SCFD1: variants seen among roughly 807,000 people sequenced by gnomAD.
SCFD1 encodes the protein sec1 family domain containing 1.
Under a neutral mutation model 103.2 loss-of-function variants are expected in SCFD1, and 37 were observed. That is an observed-to-expected ratio of 0.36 (90% confidence interval 0.28 to 0.47). The LOEUF (loss-of-function observed/expected upper bound fraction) is 0.47, where lower values mean the gene tolerates loss of function less well. Ranked by LOEUF, SCFD1 falls within the 20% of genes least tolerant of loss-of-function variation. The probability of loss-of-function intolerance (pLI) is 1.00; values close to 1 mark genes in which losing one functional copy is unlikely to be tolerated. For missense variants in SCFD1, 639 were observed against 761.2 expected, an observed-to-expected ratio of 0.84 and a Z score of 1.89; for synonymous variants, 264 against 245.0, an observed-to-expected ratio of 1.08 and a Z score of -0.73.
intron 20 of SCFD1, 51 bp from the exon 21 acceptor site, chr14:30,719,274 C>A: frequency 3.4e-6 from 4 of 1,193,996 alleles, no homozygotes; most frequent in Non-Finnish European, 4.9e-6. Context: ...CCAAACTGAC[C>A]TTCTGAAGAG....
At chr14:30,670,926 T>C (rs962938809) in intron 11 of SCFD1, among the ~76,000 whole-genome samples, 12 of 152,132 alleles carry the variant, frequency 7.9e-5, no homozygotes, top group Non-Finnish European at 1.5e-4. Flanking sequence ...TATGCCCCCT[T>C]AAAGTTTAGG....
chr14:30,716,660 T>G (rs1448919811), intron 20 of SCFD1, among the ~76,000 whole-genome samples: 2 of 152,222 alleles, frequency 1.3e-5, no homozygotes, highest in Non-Finnish European at 2.9e-5. Flanking sequence ...AAAACCCTGG[T>G]TTGAGTTTAT....
At chr14:30,624,514 T>C (rs918909717) in intron 1 of SCFD1, among the ~76,000 whole-genome samples, 2 of 152,228 alleles carry the variant, frequency 1.3e-5, no homozygotes, top group Non-Finnish European at 2.9e-5. Flanking sequence ...TCATGTAAGA[T>C]CTTTCAGTAA....
rs1886303599 is a variant in SCFD1 at position 30,650,546 on chromosome 14, C to G, written c.670-19C>G. The stretch of plus-strand genomic sequence containing the variant: ...TTATATGAAACTGTTAAGAGTTAAT[C>G]TAAAATTTTATTTTTCAGAAACTAG... On this transcript the variant is annotated intron_variant, in intron 8 of 24. Transcript: ENST00000458591. The G allele has an allele frequency of 6.9e-7, 1 of 1,450,986 alleles. No individual in the cohort carries two copies. Among genetic ancestry groups the G allele is most frequent in the Admixed American group, 1.7e-5 (1 of 58,576 alleles). 89.9% of individuals were successfully genotyped at this position (1,450,986 alleles called of 1,614,324 possible).
chr14:30,695,320 A>T (rs1890616481), intron 15 of SCFD1, among the ~76,000 whole-genome samples: 1 of 152,194 alleles, frequency 6.6e-6, no homozygotes, highest in African/African-American at 2.4e-5. Flanking sequence ...AATCACTTTA[A>T]ATATTTGTAT....
At chr14:30,637,554 G>A (rs1038003607) in intron 4 of SCFD1, among the ~76,000 whole-genome samples, 2 of 152,052 alleles carry the variant, frequency 1.3e-5, no homozygotes, top group Admixed American at 6.6e-5. Context: ...GATGGTTCTT[G>A]TTACAGTCAA....
chr14:30,637,976 C>T, intron 4 of SCFD1, 149 bp from the exon 5 acceptor site: 1 of 1,040,730 alleles, frequency 9.6e-7, no homozygotes, highest in Non-Finnish European at 1.3e-6. Flanking sequence ...ACCAGTACTA[C>T]TTCAAAGGTT....
At chr14:30,665,404 G>A (rs866452195) in intron 10 of SCFD1, among the ~76,000 whole-genome samples, 13 of 152,288 alleles carry the variant, frequency 8.5e-5, no homozygotes, top group Admixed American at 2.6e-4. Flanking sequence ...ACTAAACATG[G>A]AAAGGAACAA....
intron 23 of SCFD1, among the ~76,000 whole-genome samples, chr14:30,733,363 A>G (rs1022946760): frequency 6.6e-6 from 1 of 152,192 alleles, no homozygotes; most frequent in Admixed American, 6.5e-5. Context: ...AAGCTTGTAC[A>G]TGATTAAGAA....
intron 10 of SCFD1, chr14:30,658,167 G>C (rs1887089525): frequency 2.3e-6 from 1 of 441,326 alleles, no homozygotes; most frequent in African/African-American, 2.0e-5. Context: ...TTTTTTACTT[G>C]GCCTTTATTT....
intron 10 of SCFD1, among the ~76,000 whole-genome samples, chr14:30,660,295 C>G (rs1415571167): frequency 1.3e-5 from 2 of 152,120 alleles, no homozygotes; most frequent in Non-Finnish European, 2.9e-5. Context: ...CCGATACTTT[C>G]TGTAAACTAA....
chr14:30,641,209 A>G (rs1162241430), intron 6 of SCFD1, among the ~76,000 whole-genome samples: 2 of 152,180 alleles, frequency 1.3e-5, no homozygotes, highest in South Asian at 2.1e-4. Context: ...AAAATTTTAA[A>G]CAAATATTCC....
chr14:30,700,047 C>G, intron 15 of SCFD1, 141 bp from the exon 16 acceptor site: 1 of 621,442 alleles, frequency 1.6e-6, no homozygotes, highest in Non-Finnish European at 2.8e-6. Context: ...AATTATATGC[C>G]TGTTACCTTA....
At chr14:30,711,052 G>A (rs1482172190) in intron 19 of SCFD1, among the ~76,000 whole-genome samples, 1 of 152,182 alleles carries the variant, frequency 6.6e-6, no homozygotes, top group Non-Finnish European at 1.5e-5. Context: ...CCAGTTGAAT[G>A]TTATTCACAG....
chr14:30,719,290 C>T, intron 20 of SCFD1, 35 bp from the exon 21 acceptor site: 4 of 1,370,526 alleles, frequency 2.9e-6, no homozygotes, highest in Non-Finnish European at 3.1e-6. Context: ...AAGAGAAATT[C>T]CACAGTCATG....
At chr14:30,652,837 C>T (rs1338950249) in intron 9 of SCFD1, among the ~76,000 whole-genome samples, 1 of 151,744 alleles carries the variant, frequency 6.6e-6, no homozygotes, top group Admixed American at 6.6e-5. Context: ...TTAGTTGCCC[C>T]GTCTCTAAAA....
intron 6 of SCFD1, 79 bp from the exon 7 acceptor site, chr14:30,643,237 T>C (rs967082013): frequency 3.3e-6 from 3 of 920,014 alleles, no homozygotes; most frequent in Non-Finnish European, 3.5e-6. Context: ...ATTAAGAATT[T>C]AGTAATAATT....
At chr14:30,695,413 C>G (rs115761031) in intron 15 of SCFD1, among the ~76,000 whole-genome samples, 218 of 151,964 alleles carry the variant, frequency 1.4e-3, no homozygotes, top group African/African-American at 5.0e-3. Context: ...AGAAGCCAGG[C>G]GCAGAAAGAC....
At chr14:30,678,058 A>G (rs7158351) in intron 14 of SCFD1, among the ~76,000 whole-genome samples, 74,689 of 151,460 alleles carry the variant, frequency 0.49, 21,402 homozygotes, top group African/African-American at 0.79. Context: ...CAGGATGGTC[A>G]CCATCTCTTG....
Sources: allele counts gnomAD v4.1 joint callset (sites outside exome capture counted in the v4.1 genomes callset), GRCh38; gene constraint gnomAD v4.1.1; transcripts MANE v1.5; gene names NCBI Gene and HGNC (gene_info 2026-07-23, HGNC 2026-07-21).